Variants in PWWP3A observed in about 807,000 individuals in gnomAD.
PWWP3A encodes the protein PWWP domain containing 3A, DNA repair factor, also known as PWWP domain-containing DNA repair factor 3A.
A neutral mutation model predicts 79.0 loss-of-function variants in PWWP3A; 53 were observed. That is an observed-to-expected ratio of 0.67 (90% CI 0.54 to 0.84). The LOEUF is 0.84. Among genes scored for constraint, PWWP3A ranks in the 40% least tolerant of loss-of-function variants. The pLI, the probability that PWWP3A is intolerant of heterozygous loss-of-function variation, is 0.00. For missense variants in PWWP3A, 973 were observed against 948.0 expected (o/e 1.03, Z -0.35); for synonymous variants, 443 against 394.4 (o/e 1.12, Z -1.46).
At chr19:1,355,941 C>T (rs1293303877) in intron 1 of PWWP3A, among the ~76,000 whole-genome samples, 1 of 151,840 alleles carries the variant, frequency 6.6e-6, no homozygotes, top group Non-Finnish European at 1.5e-5. Flanking sequence ...TGTGTGTGTG[C>T]TGTGGTCAAC....
intron 6 of PWWP3A, among the ~76,000 whole-genome samples, chr19:1,363,366 C>T (rs1568938932): frequency 1.3e-5 from 2 of 152,242 alleles, no homozygotes; most frequent in Non-Finnish European, 2.9e-5. Flanking sequence ...GGTGAGCAGT[C>T]ACCACTCACC....
Position 1,360,272 on chromosome 19 carries a change from G to T in PWWP3A, c.351G>T (p.Arg117=). 1 of 1,614,096 alleles carries T rather than the reference G, an allele frequency of 6.2e-7. No individual in the cohort carries two copies. Among genetic ancestry groups the T allele is most frequent in the Non-Finnish European group, 8.5e-7 (1 of 1,179,988 alleles). Reference sequence around the variant, plus strand: ...CTGCAGGGACAGGTAGAGCTGACCGGTCTCTGCGAGGGAAGCCCATGGAGC... The same window carrying T: ...CTGCAGGGACAGGTAGAGCTGACCGTTCTCTGCGAGGGAAGCCCATGGAGC... ...ESSAGTGRAD[R]SLRGKPMEHV... Residue 117 remains arginine, a synonymous_variant, in exon 5 of 14, where the codon CGG becomes CGT. Transcript: ENST00000591337. The surrounding 1 kb of genome is among the most constrained non-coding windows in gnomAD (Gnocchi z 4.4).
rs1449209897 is a variant in PWWP3A, at chr19:1,369,711, CTA to C, written c.1549+67_1549+68del. 6.4e-6 allele frequency: 10 copies of C among 1,555,834 alleles called. No homozygotes were observed. Among genetic ancestry groups the C allele is most frequent in the African/African-American group, 4.1e-5 (3 of 73,670 alleles). On this transcript the variant is annotated intron_variant, in intron 11 of 13. Coordinates refer to ENST00000591337, the MANE Select transcript of PWWP3A (RefSeq NM_001369789.1). This position sits in a 1 kb window ranked among gnomAD's most constrained non-coding sequence, Gnocchi z 4.0. Reference sequence around the variant, plus strand: ...TTTAGCCCTTTAGAAAAACAATCTTCTATGTCTGAAGCTGTGGAAGGGGACGT... The same window carrying C: ...TTTAGCCCTTTAGAAAAACAATCTTCTGTCTGAAGCTGTGGAAGGGGACGT...
chr19:1,367,321 G>A lies in PWWP3A; in HGVS notation c.1422+101G>A, dbSNP rs543452262. ...CTTGAAATCCATGGCTGCGGTGTAC[G>A]CGTGTGAATGATTGTGGGAAGTAGC... On this transcript the variant is annotated intron_variant, in intron 9 of 13. Transcript: ENST00000591337. 148 of 999,104 alleles carry A rather than the reference G, an allele frequency of 1.5e-4. No individual in the cohort carries two copies. The highest frequency in any genetic ancestry group is 8.5e-4 in the Admixed American group (38 of 44,638). 61.9% of individuals were successfully genotyped at this position (999,104 alleles called of 1,614,324 possible). A position where few individuals can be genotyped will look rare whatever the true frequency, so the allele number is the denominator to read the frequency against.
At chr19:1,357,221 T>C (rs2144689245) in intron 3 of PWWP3A, 127 bp downstream of exon 3, 1 of 649,008 alleles carries the variant, frequency 1.5e-6, no homozygotes, top group Admixed American at 3.2e-5. Context: ...TTTGTGTAAT[T>C]CATTAATGCT....
chr19:1,361,927 A>G, intron 5 of PWWP3A: 1 of 256,150 alleles, frequency 3.9e-6, no homozygotes, highest in Non-Finnish European at 7.7e-6. Context: ...GTGAAGGGAC[A>G]GCCAGGCCGG....
In PWWP3A at chr19:1,377,354, C is replaced by CA. The variant is rs2082423735; in HGVS notation, c.*779dup. 6.6e-6 allele frequency: 1 copy of CA among 152,376 alleles called. No homozygotes were observed. The highest frequency in any genetic ancestry group is 6.5e-5 in the Admixed American group (1 of 15,294). 9.4% of individuals were successfully genotyped at this position (152,376 alleles called of 1,614,324 possible). On this transcript the variant is annotated 3_prime_UTR_variant, in exon 14 of 14. Transcript: ENST00000591337. ...ACTGCACAGCCAGTCACCGCGGTCT[C>CA]AGTCATCGGCGCGGATGGCTATGCT...
chr19:1,369,436 G>A lies in PWWP3A; in HGVS notation c.1498+96G>A, dbSNP rs2082202420. On this transcript the variant is annotated intron_variant, in intron 10 of 13. Coordinates refer to ENST00000591337, the MANE Select transcript of PWWP3A (RefSeq NM_001369789.1). The surrounding 1 kb of genome is among the most constrained non-coding windows in gnomAD (Gnocchi z 4.0). ...CTGGGCCGGAGCTGCCTGGAGGCGG[G>A]GCATATTTCCGTGGGCCTGGGGCAT... 2 of 1,514,844 alleles carry A rather than the reference G, an allele frequency of 1.3e-6. No individual in the cohort carries two copies. Among genetic ancestry groups the A allele is most frequent in the Admixed American group, 3.4e-5 (2 of 58,992 alleles). The allele number at this position is 1,514,844 out of a possible 1,614,324, so 93.8% of individuals were successfully genotyped here.
In PWWP3A at chr19:1,378,122, A is replaced by C. The variant is rs1461578915; in HGVS notation, c.*1546A>C. On this transcript the variant is annotated 3_prime_UTR_variant, in exon 14 of 14. Transcript: ENST00000591337. ...GGAGCAGTGGGGCACACCCCGGAGG[A>C]GGCGGGGGTCAGGGCTGTCGGCCTT... The C allele has an allele frequency of 6.6e-6, 1 of 152,040 alleles. No homozygotes were observed. The highest frequency in any genetic ancestry group is 2.4e-5 in the African/African-American group (1 of 41,352). 9.4% of individuals were successfully genotyped at this position (152,040 alleles called of 1,614,324 possible).
At chr19:1,370,508 G>T in intron 11 of PWWP3A, 134 bp from the exon 12 acceptor site, 1 of 779,754 alleles carries the variant, frequency 1.3e-6, no homozygotes, top group Non-Finnish European at 1.9e-6. Flanking sequence ...CTCCACTCCC[G>T]TGCTAACACG....
chr19:1,364,018 T>C, intron 6 of PWWP3A: 1 of 386,256 alleles, frequency 2.6e-6, no homozygotes, highest in South Asian at 2.0e-5. Context: ...AAATAGTTTC[T>C]AGTTATGATT....
rs2082167437 is a variant in PWWP3A, at chr19:1,368,114, G to A, written c.1422+894G>A. On this transcript the variant is annotated intron_variant, in intron 9 of 13. Coordinates refer to ENST00000591337, the MANE Select transcript of PWWP3A (RefSeq NM_001369789.1). The surrounding 1 kb of genome is among the most constrained non-coding windows in gnomAD (Gnocchi z 4.7). Reference sequence around the variant, plus strand: ...TAATTTTTGTATTTTTAGTAGAGACGGGGTTTCATCATATTGGCCAGGTTG... The same window carrying A: ...TAATTTTTGTATTTTTAGTAGAGACAGGGTTTCATCATATTGGCCAGGTTG... Among the ~76,000 whole-genome samples, 1 of 152,066 alleles carries A rather than the reference G, an allele frequency of 6.6e-6. No homozygotes were observed. The highest frequency in any genetic ancestry group is 6.5e-5 in the Admixed American group (1 of 15,274).
intron 13 of PWWP3A, among the ~76,000 whole-genome samples, chr19:1,375,808 TTA>T (rs202098550): frequency 0.51 from 64,412 of 127,330 alleles, 14,997 homozygotes; most frequent in Middle Eastern, 0.65. Flanking sequence ...ATGTATTTAT[TTA>T]TTTTTTTTTT....
At chr19:1,355,596 C>T (rs1180619505) in intron 1 of PWWP3A, among the ~76,000 whole-genome samples, 1 of 140,122 alleles carries the variant, frequency 7.1e-6, no homozygotes, top group Non-Finnish European at 1.6e-5. Context: ...TGACCCCCTT[C>T]TCTGTTGCCT....
In PWWP3A at chr19:1,369,370, T is replaced by C. The variant is rs2082200874; in HGVS notation, c.1498+30T>C. 1 of 1,606,286 alleles carries C rather than the reference T, an allele frequency of 6.2e-7. No individual in the cohort carries two copies. Among genetic ancestry groups the C allele is most frequent in the African/African-American group, 1.3e-5 (1 of 74,698 alleles). On this transcript the variant is annotated intron_variant, in intron 10 of 13. Transcript: ENST00000591337. The surrounding 1 kb of genome is among the most constrained non-coding windows in gnomAD (Gnocchi z 4.0). ...GTGGGGTGCTGGGGAGGGGTGGAGC[T>C]GGGCAGCAGGCGTCCAGCCTCTGAA... is the stretch of plus-strand genomic sequence containing the variant.
intron 6 of PWWP3A, 90 bp downstream of exon 6, chr19:1,362,441 A>C: frequency 1.1e-6 from 1 of 946,410 alleles, no homozygotes; most frequent in Non-Finnish European, 1.6e-6. Flanking sequence ...CACATTCTCC[A>C]TGAAAGGTCT....
Position 1,357,018 on chromosome 19 carries a change from C to A in PWWP3A, c.67C>A (p.Arg23=), listed in dbSNP as rs568483329. Residue 23 remains arginine (R), a synonymous_variant, in exon 3 of 14, where the codon CGA becomes AGA. Transcript: ENST00000591337. ...TTTGTTTTAAATGTAGGTTTTGGCC[C>A]GAACCGCGACTTCAACAAAAAATAA... ...KRLWPAKVLA[R]TATSTKNKRR... The A allele has an allele frequency of 6.2e-7, 1 of 1,612,816 alleles. No homozygotes were observed. The highest frequency in any genetic ancestry group is 2.2e-5 in the East Asian group (1 of 44,866).
At position 1,356,474 on chromosome 19, in the gene PWWP3A, C is replaced by T. The variant is rs200960840; in HGVS notation, c.57+25C>T. ...GGTGACAGCCATTATTCTGTAACTT[C>T]AGGACTTAGAAATGACTTTCGGGTG... is the stretch of plus-strand genomic sequence containing the variant. On this transcript the variant is annotated intron_variant, in intron 2 of 13. Coordinates refer to ENST00000591337, the MANE Select transcript of PWWP3A (RefSeq NM_001369789.1). 21 of 1,611,770 alleles carry T rather than the reference C, an allele frequency of 1.3e-5. 1 individual carries two copies. The highest frequency in any genetic ancestry group is 8.8e-5 in the South Asian group (8 of 91,026).
intron 2 of PWWP3A, among the ~76,000 whole-genome samples, 193 bp downstream of exon 2, chr19:1,356,642 T>G (rs2144686429): frequency 1.4e-5 from 2 of 140,328 alleles, no homozygotes; most frequent in Non-Finnish European, 3.1e-5. Context: ...AGAAATGTCT[T>G]TTTTTTTTCA....
Sources: gnomAD v4.1 joint callset for allele counts (sites outside exome capture counted in the v4.1 genomes callset) on GRCh38, gnomAD v4.1.1 for gene constraint, Gnocchi (gnomAD v3.1) non-coding constraint, MANE v1.5 for transcripts, NCBI Gene and HGNC (gene_info 2026-07-23, HGNC 2026-07-21) for gene names.